JSRP1: variants seen among roughly 807,000 people sequenced by gnomAD.
The protein encoded by JSRP1 is junctional sarcoplasmic reticulum protein 1.
JSRP1 carries 29 observed loss-of-function variants against 21.4 expected under a neutral mutation model. The observed-to-expected ratio is 1.36, with a 90% CI of 1.01 to 1.85. JSRP1 has a LOEUF of 1.85. JSRP1 is among the 40% of genes most tolerant of loss of function. The pLI is 0.00. For synonymous variants in JSRP1, 221 were observed against 206.1 expected (o/e 1.07, Z -0.62); for missense variants, 531 against 461.5 (o/e 1.15, Z -1.38).
chr19:2,255,431 T>A, intron 1 of JSRP1, 87 bp from the exon 2 acceptor site: 1 of 570,454 alleles, frequency 1.8e-6, no homozygotes, highest in South Asian at 2.4e-5. Flanking sequence ...GGACACCAAC[T>A]AACAGGCCCC....
chr19:2,255,661 C>T (rs1359391428), intron 1 of JSRP1, among the ~76,000 whole-genome samples: 1 of 152,238 alleles, frequency 6.6e-6, no homozygotes, highest in African/African-American at 2.4e-5. Context: ...GTCCCAGACG[C>T]ACCCCAAACC....
At chr19:2,254,984 C>T (rs900414294) in intron 2 of JSRP1, among the ~76,000 whole-genome samples, 7 of 152,234 alleles carry the variant, frequency 4.6e-5, no homozygotes, top group South Asian at 4.1e-4. Flanking sequence ...TCAGTGGCAA[C>T]GTGGGATTCG....
At position 2,254,241 on chromosome 19, in the gene JSRP1, G is replaced by A. The variant is rs2025114406; in HGVS notation, c.208C>T (p.Pro70Ser). ...DTRPKKMEKE[P>S]AARGTPGTGK... ...GTTCCTGGGGTCCCCCTGGCGGCAG[G>A]CTCTTTTTCCATCTTCTTGGGCCTG... The change falls in exon 4 of 7, where the codon CCT becomes TCT. Residue 70 changes from proline to serine, a missense_variant. Coordinates refer to ENST00000300961, the MANE Select transcript of JSRP1 (RefSeq NM_144616.4). 1.9e-6 allele frequency: 3 copies of A among 1,605,512 alleles called. No homozygotes were observed. Among genetic ancestry groups the A allele is most frequent in the African/African-American group, 1.3e-5 (1 of 74,466 alleles).
chr19:2,253,839 C>T, intron 4 of JSRP1, 46 bp from the exon 5 acceptor site: 1 of 1,350,588 alleles, frequency 7.4e-7, no homozygotes, highest in Non-Finnish European at 9.5e-7. Flanking sequence ...GGCTCTGTGC[C>T]GCCCCCTTCC....
At position 2,252,984 on chromosome 19, in the gene JSRP1, T is replaced by C; in HGVS notation, c.456A>G (p.Ala152=). ...GCTCGGGCACACGTGCTTGGAGTGC[T>C]GCCTCCCCAGGGACGGCGTCTGCAG... ...QLCRDAVPGE[A]ALQARVPEPW... The change falls in exon 6 of 7, where the codon GCA becomes GCG. Residue 152 remains alanine (A), a synonymous_variant. Transcript: ENST00000300961. The C allele has an allele frequency of 1.9e-6, 3 of 1,606,120 alleles. No homozygotes were observed. The highest frequency in any genetic ancestry group is 2.5e-6 in the Non-Finnish European group (3 of 1,176,844).
At position 2,254,279 on chromosome 19, in the gene JSRP1, G is replaced by C. The variant is rs1334079993; in HGVS notation, c.170C>G (p.Pro57Arg). 6.2e-7 allele frequency: 1 copy of C among 1,602,136 alleles called. No homozygotes were observed. The highest frequency in any genetic ancestry group is 1.3e-5 in the African/African-American group (1 of 74,566). ...VPHDSQVAEG[P>R]SVDTRPKKME... is the part of the protein sequence containing the mutation. Reference sequence around the variant, plus strand: ...CTTCTTGGGCCTGGTGTCCACACTGGGGCCTTCAGCCACCTGAGAGTCCTG... The same window carrying C: ...CTTCTTGGGCCTGGTGTCCACACTGCGGCCTTCAGCCACCTGAGAGTCCTG... The change falls in exon 4 of 7, where the codon CCC becomes CGC. Residue 57 changes from proline to arginine, a missense_variant. Pro to Arg is a moderately radical substitution (Grantham distance 103, BLOSUM62 -2). Coordinates refer to ENST00000300961, the MANE Select transcript of JSRP1 (RefSeq NM_144616.4).
intron 4 of JSRP1, 37 bp from the exon 5 acceptor site, chr19:2,253,830 G>A (rs2025107059): frequency 7.3e-7 from 1 of 1,363,118 alleles, no homozygotes; most frequent in East Asian, 3.0e-5. Context: ...GTGGTCACTG[G>A]CTCTGTGCCG....
rs758990222 is a variant in JSRP1, at chr19:2,252,637, G to C, written c.688C>G (p.Leu230Val). 6.2e-7 allele frequency: 1 copy of C among 1,612,388 alleles called. No homozygotes were observed. Among genetic ancestry groups the C allele is most frequent in the Non-Finnish European group, 8.5e-7 (1 of 1,179,936 alleles). Residue 230 changes from leucine to valine, a missense_variant, in exon 7 of 7, where the codon CTC becomes GTC. Leu to Val is a conservative substitution (Grantham distance 32). Transcript: ENST00000300961. ...GEAVREDRVT[L>V]ADRGPKERPR... ...CTCTCCTTGGGTCCCCGGTCTGCGA[G>C]GGTCACACGGTCCTCCCGGACGGCC...
chr19:2,252,368 C>T lies in JSRP1; in HGVS notation c.957G>A (p.Gly319=), dbSNP rs1191261910. ...PRRPDEEQRP[G]SRQKLRAGKG... The stretch of plus-strand genomic sequence containing the variant: ...TGCCTGCGCGGAGCTTCTGGCGACT[C>T]CCAGGCCGCTGCTCCTCGTCGGGAC... The change falls in exon 7 of 7, where the codon GGG becomes GGA. Residue 319 remains glycine (G), a synonymous_variant. Transcript: ENST00000300961. 1.9e-6 allele frequency: 3 copies of T among 1,568,190 alleles called. No homozygotes were observed. The highest frequency in any genetic ancestry group is 2.3e-5 in the East Asian group (1 of 42,888).
In JSRP1 at chr19:2,255,061, A is replaced by C. The variant is rs546583758; in HGVS notation, c.109+145T>G. ...CTCCTTACAGACCCCTGAGGCAGAA[A>C]TGAGGGCCAGGGGTTGAACATGGGG... On this transcript the variant is annotated intron_variant, in intron 2 of 6. Coordinates refer to ENST00000300961, the MANE Select transcript of JSRP1 (RefSeq NM_144616.4). 9 of 498,012 alleles carry C rather than the reference A, an allele frequency of 1.8e-5. No individual in the cohort carries two copies. The South Asian group carries it at 3.3e-4, about 18-fold the overall frequency. The allele number at this position is 498,012 out of a possible 1,614,324, so 30.8% of individuals were successfully genotyped here.
intron 6 of JSRP1, 31 bp from the exon 7 acceptor site, chr19:2,252,827 C>A: frequency 6.3e-7 from 1 of 1,595,854 alleles, no homozygotes; most frequent in African/African-American, 1.3e-5. Context: ...CTGGGGTAAG[C>A]GCCCACCTTC....
At chr19:2,254,064 C>T in intron 4 of JSRP1, 123 bp downstream of exon 4, 2 of 798,630 alleles carry the variant, frequency 2.5e-6, no homozygotes, top group Non-Finnish European at 2.0e-6. Flanking sequence ...CGCTGCCTGC[C>T]ACACTTCGAC....
Position 2,254,282 on chromosome 19 carries a change from C to T in JSRP1, c.167G>A (p.Gly56Asp), listed in dbSNP as rs1404779945. 4 of 1,600,350 alleles carry T rather than the reference C, an allele frequency of 2.5e-6. No homozygotes were observed. Among genetic ancestry groups the T allele is most frequent in the Non-Finnish European group, 3.4e-6 (4 of 1,171,836 alleles). ...SVPHDSQVAE[G>D]PSVDTRPKKM... Reference sequence around the variant, plus strand: ...CTTGGGCCTGGTGTCCACACTGGGGCCTTCAGCCACCTGAGAGTCCTGTGG... The same window carrying T: ...CTTGGGCCTGGTGTCCACACTGGGGTCTTCAGCCACCTGAGAGTCCTGTGG... Residue 56 changes from glycine to aspartate, a missense_variant, in exon 4 of 7, where the codon GGC becomes GAC. Transcript: ENST00000300961.
In JSRP1 at chr19:2,252,563, C is replaced by G. The variant is rs758680927; in HGVS notation, c.762G>C (p.Glu254Asp). 1.2e-5 allele frequency: 19 copies of G among 1,612,770 alleles called. 1 individual carries two copies. The highest frequency in any genetic ancestry group is 2.2e-5 in the South Asian group (2 of 91,086). Residue 254 changes from glutamate (E) to aspartate (D), a missense_variant, in exon 7 of 7, where the codon GAG becomes GAC. Transcript: ENST00000300961. ...TCCGCGGCCTCTCTTTCTTAGGTCT[C>G]TCCTCCTTCCGCGGCTTCTCCTTCC... ...KPRKEKPRKE[E>D]RPKKERPRKE...
Position 2,252,955 on chromosome 19 carries a change from C to T in JSRP1, c.485G>A (p.Trp162Ter). The T allele has an allele frequency of 6.2e-7, 1 of 1,609,948 alleles. No homozygotes were observed. The highest frequency in any genetic ancestry group is 8.5e-7 in the Non-Finnish European group (1 of 1,178,658). ...AALQARVPEP[W>*]VPPSSAPREP... ...CCTCGGGGCTGAGCTTGGCGGGACCCAGGGCTCGGGCACACGTGCTTGGAG... is the reference window on the plus strand; with the variant it reads ...CCTCGGGGCTGAGCTTGGCGGGACCTAGGGCTCGGGCACACGTGCTTGGAG... Residue 162 changes from tryptophan to a stop codon, truncating the protein, a stop_gained, in exon 6 of 7, where the codon TGG becomes TAG. Transcript: ENST00000300961. LOFTEE classifies it low-confidence loss of function (END_TRUNC).
At position 2,254,262 on chromosome 19, in the gene JSRP1, G is replaced by T. The variant is rs756720508; in HGVS notation, c.187C>A (p.Pro63Thr). 6.2e-7 allele frequency: 1 copy of T among 1,605,550 alleles called. No individual in the cohort carries two copies. The highest frequency in any genetic ancestry group is 1.3e-5 in the African/African-American group (1 of 74,694). ...GCAGGCTCTTTTTCCATCTTCTTGG[G>T]CCTGGTGTCCACACTGGGGCCTTCA... ...VAEGPSVDTR[P>T]KKMEKEPAAR... The change falls in exon 4 of 7, where the codon CCC (proline) becomes ACC (threonine). Residue 63 changes from proline (P) to threonine (T), a missense_variant. Physicochemically the swap from Pro to Thr is conservative, Grantham distance 38. Coordinates refer to ENST00000300961, the MANE Select transcript of JSRP1 (RefSeq NM_144616.4).
At chr19:2,253,407 A>G (rs1188790159) in intron 5 of JSRP1, among the ~76,000 whole-genome samples, 1 of 152,188 alleles carries the variant, frequency 6.6e-6, no homozygotes, top group Non-Finnish European at 1.5e-5. Context: ...GGCGAGGGGA[A>G]TGGGCCCCGC....
intron 4 of JSRP1, 99 bp from the exon 5 acceptor site, chr19:2,253,892 G>A (rs2025108560): frequency 7.8e-7 from 1 of 1,274,952 alleles, no homozygotes; most frequent in Non-Finnish European, 1.0e-6. Flanking sequence ...CCTGAACCCG[G>A]CTCTCTCTGC....
chr19:2,255,248 C>T lies in JSRP1; in HGVS notation c.67G>A (p.Asp23Asn). 2 of 1,611,444 alleles carry T rather than the reference C, an allele frequency of 1.2e-6. No individual in the cohort carries two copies. Among genetic ancestry groups the T allele is most frequent in the Non-Finnish European group, 1.7e-6 (2 of 1,178,970 alleles). ...TGGGTCTCGGCCAGCGCAGAGTGGT[C>T]CTCCAGGGCCTGGCAGCTGCCCAGG... is the stretch of plus-strand genomic sequence containing the variant. ...GGLGSCQALE[D>N]HSALAETQED... The change falls in exon 2 of 7, where the codon GAC (aspartate) becomes AAC (asparagine). Residue 23 changes from aspartate (D) to asparagine (N), a missense_variant. Asp to Asn is a conservative substitution (Grantham distance 23). Coordinates refer to ENST00000300961, the MANE Select transcript of JSRP1 (RefSeq NM_144616.4).
Sources: allele counts gnomAD v4.1 joint callset (sites outside exome capture counted in the v4.1 genomes callset), GRCh38; gene constraint gnomAD v4.1.1; transcripts MANE v1.5; gene names NCBI Gene and HGNC (gene_info 2026-07-23, HGNC 2026-07-21).